Variants in RSF1 observed in about 807,000 individuals in gnomAD.
The protein encoded by RSF1 is remodeling and spacing factor 1, also known as HBV pX-associated protein 8.
RSF1 carries 13 observed loss-of-function variants against 145.2 expected under a neutral mutation model. That is an observed-to-expected ratio of 0.09 (90% CI 0.06 to 0.14). The LOEUF is 0.14. Among genes scored for constraint, RSF1 ranks in the 10% least tolerant of loss-of-function variants. The probability of loss-of-function intolerance (pLI) is 1.00; values close to 1 mark genes in which losing one functional copy is unlikely to be tolerated. For missense variants in RSF1, 1,517 were observed against 1,718.2 expected, an observed-to-expected ratio of 0.88 and a Z score of 2.07; for synonymous variants, 577 against 592.6, an observed-to-expected ratio of 0.97 and a Z score of 0.38.
intron 6 of RSF1, 54 bp downstream of exon 6, chr11:77,700,667 A>G: frequency 7.5e-7 from 1 of 1,338,636 alleles, no homozygotes; most frequent in Non-Finnish European, 1.0e-6. Context: ...AAACCAAAAA[A>G]CCTATTAATA....
the RSF1 span, among the ~76,000 whole-genome samples, chr11:77,860,810 C>T: frequency 1.3e-5 from 2 of 152,184 alleles, no homozygotes; most frequent in Non-Finnish European, 2.9e-5. Flanking sequence ...AACCACTCTA[C>T]TTCCTCTGGT....
chr11:77,757,573 G>A (rs1338965961), intron 2 of RSF1, among the ~76,000 whole-genome samples: 5 of 152,166 alleles, frequency 3.3e-5, no homozygotes, highest in Non-Finnish European at 5.9e-5. Flanking sequence ...AGCTACTTGG[G>A]AGGCCAAGGC....
chr11:77,799,344 T>C (rs185563212), intron 1 of RSF1, among the ~76,000 whole-genome samples: 199 of 151,666 alleles, frequency 1.3e-3, no homozygotes, highest in African/African-American at 4.6e-3. Flanking sequence ...TCCATCTCTA[T>C]AAAAAATACA....
rs376776886 is a variant in RSF1, at chr11:77,724,126, C to T, written c.733+1419G>A. 2.0e-4 allele frequency among the ~76,000 whole-genome samples: 31 copies of T among 152,188 alleles called. No homozygotes were observed. In the East Asian group the frequency reaches 3.5e-3, roughly 17 times the overall value. Reference sequence around the variant, plus strand: ...TAAACATTTTTCCAAAGAAGATATACAAATGGCCAATAAACACTTGAAAAG... The same window carrying T: ...TAAACATTTTTCCAAAGAAGATATATAAATGGCCAATAAACACTTGAAAAG... On this transcript the variant is annotated intron_variant, in intron 5 of 15. Coordinates refer to ENST00000308488, the MANE Select transcript of RSF1 (RefSeq NM_016578.4).
At chr11:77,834,699 G>T in the RSF1 span, among the ~76,000 whole-genome samples, 1 of 152,136 alleles carries the variant, frequency 6.6e-6, no homozygotes, top group African/African-American at 2.4e-5. Flanking sequence ...ACAGACGTGA[G>T]CCACTGCGCC....
the RSF1 span, among the ~76,000 whole-genome samples, chr11:77,843,515 GTC>G: frequency 6.6e-6 from 1 of 152,154 alleles, no homozygotes; most frequent in African/African-American, 2.4e-5. Context: ...CTGGAGAGTA[GTC>G]TCTGCCTCAC....
At chr11:77,787,635 T>A (rs1249834589) in intron 1 of RSF1, among the ~76,000 whole-genome samples, 1 of 152,092 alleles carries the variant, frequency 6.6e-6, no homozygotes, top group Non-Finnish European at 1.5e-5. Context: ...ACTAAACGCA[T>A]ATCCAGTCCC....
chr11:77,739,320 G>C (rs1168625488), intron 4 of RSF1: 1 of 152,690 alleles, frequency 6.5e-6, no homozygotes, highest in Non-Finnish European at 1.5e-5. Context: ...CTACAAAGAA[G>C]AAAAGAATGT....
chr11:77,729,634 G>A lies in RSF1; in HGVS notation c.579-3935C>T, dbSNP rs1213792160. 2.7e-5 allele frequency among the ~76,000 whole-genome samples: 4 copies of A among 150,276 alleles called. No homozygotes were observed. In the East Asian group the frequency reaches 7.8e-4, roughly 29 times the overall value. The stretch of plus-strand genomic sequence containing the variant: ...AAGTATAGGCATTATCTTCTGCCAA[G>A]TATGAGCCAAGTATCTGGTTCTTCC... On this transcript the variant is annotated intron_variant, in intron 4 of 15. Coordinates refer to ENST00000308488, the MANE Select transcript of RSF1 (RefSeq NM_016578.4).
intron 2 of RSF1, among the ~76,000 whole-genome samples, chr11:77,754,737 G>C (rs1948098893): frequency 6.6e-6 from 1 of 151,894 alleles, no homozygotes; most frequent in African/African-American, 2.4e-5. Flanking sequence ...GTGAGACCCT[G>C]TGTCGAAAAA....
intron 5 of RSF1, among the ~76,000 whole-genome samples, chr11:77,720,229 ATATCT>A (rs1960912751): frequency 6.6e-6 from 1 of 152,188 alleles, no homozygotes. Context: ...TTCTCAAGTG[ATATCT>A]TATCTGATCA....
the RSF1 span, among the ~76,000 whole-genome samples, chr11:77,859,804 T>C: frequency 7.9e-5 from 12 of 152,342 alleles, no homozygotes; most frequent in Admixed American, 5.9e-4. Context: ...CTGGAAGAAA[T>C]GTGGCTGGGT....
At chr11:77,798,608 A>G (rs1464159593) in intron 1 of RSF1, among the ~76,000 whole-genome samples, 1 of 141,888 alleles carries the variant, frequency 7.0e-6, no homozygotes, top group Admixed American at 7.0e-5. Context: ...AAAAAAAAAA[A>G]AAAAAAAAAA....
At chr11:77,713,206 A>G (rs1347250165) in intron 5 of RSF1, among the ~76,000 whole-genome samples, 10 of 152,218 alleles carry the variant, frequency 6.6e-5, no homozygotes. Context: ...CATTTTGGCT[A>G]TCTAAAGCTC....
rs772222628 is a variant in RSF1, at chr11:77,698,699, A to T, written c.2509-6T>A. The T allele has an allele frequency of 1.9e-6, 3 of 1,610,348 alleles. No homozygotes were observed. The South Asian group carries it at 3.3e-5, about 18-fold the overall frequency. On this transcript the variant is annotated splice_region_variant and splice_polypyrimidine_tract_variant and intron_variant, in intron 6 of 15. Coordinates refer to ENST00000308488, the MANE Select transcript of RSF1 (RefSeq NM_016578.4). ...ACTTTGCCTTTGGGTTTTACCTTGT[A>T]TAAAATAAAAAAAATTGGGATAATT...
chr11:77,672,579 T>TAA (rs58840921), intron 14 of RSF1, among the ~76,000 whole-genome samples: 2 of 145,482 alleles, frequency 1.4e-5, no homozygotes, highest in South Asian at 2.2e-4. Flanking sequence ...AAGTCTCCCT[T>TAA]AAAAAAAAAA....
the RSF1 span, among the ~76,000 whole-genome samples, chr11:77,862,237 A>T: frequency 1.4e-4 from 21 of 152,214 alleles, no homozygotes; most frequent in Admixed American, 1.3e-3. Context: ...CCTATCATTG[A>T]CCTGAGATAC....
rs746605292 is a variant in RSF1 at position 77,820,565 on chromosome 11, C to T, written c.150G>A (p.Val50=). Residue 50 remains valine (V), a synonymous_variant, in exon 1 of 16, where the codon GTG becomes GTA. Transcript: ENST00000308488. ...CGACGTCCGGCGGCGGCGCCTGCAG[C>T]ACCCGCTCCAGCTCAGGGAACGGCA... ...PELPFPELER[V]LQAPPPDVGN... 8 of 1,553,610 alleles carry T rather than the reference C, an allele frequency of 5.1e-6. No homozygotes were observed. In the Admixed American group the frequency reaches 1.6e-4, roughly 30 times the overall value.
intron 11 of RSF1, among the ~76,000 whole-genome samples, chr11:77,681,335 A>C (rs1362592874): frequency 6.6e-6 from 1 of 152,220 alleles, no homozygotes; most frequent in Non-Finnish European, 1.5e-5. Context: ...CTAGTTCCAA[A>C]ATGACTGACA....
Sources: allele counts gnomAD v4.1 joint callset (sites outside exome capture counted in the v4.1 genomes callset), GRCh38; gene constraint gnomAD v4.1.1; transcripts MANE v1.5; gene names NCBI Gene and HGNC (gene_info 2026-07-23, HGNC 2026-07-21).